Variants in RGS1 observed in about 807,000 individuals in gnomAD.
The protein encoded by RGS1 is regulator of G protein signaling 1.
RGS1 carries 11 observed loss-of-function variants against 22.2 expected under a neutral mutation model. That is an observed-to-expected ratio of 0.50 (90% CI 0.31 to 0.82). RGS1 has a LOEUF of 0.82. Ranked by LOEUF, RGS1 falls within the 40% of genes least tolerant of loss-of-function variation. The pLI, the probability that RGS1 is intolerant of heterozygous loss-of-function variation, is 0.04. For missense variants in RGS1, 255 were observed against 245.8 expected, an observed-to-expected ratio of 1.04 and a Z score of -0.25; for synonymous variants, 81 against 79.9, an observed-to-expected ratio of 1.01 and a Z score of -0.07.
Position 192,579,589 on chromosome 1 carries a change from A to C in RGS1, c.*267A>C. The C allele has an allele frequency of 3.0e-6, 1 of 338,324 alleles. No homozygotes were observed. The highest frequency in any genetic ancestry group is 5.8e-5 in the East Asian group (1 of 17,294). 21.0% of individuals were successfully genotyped at this position (338,324 alleles called of 1,614,324 possible). ...GGAGCTCTGTATTAGAAAGCCCCTC[A>C]GAACTGGGAAGGCCAGGTAACTCTA... On this transcript the variant is annotated 3_prime_UTR_variant, in exon 5 of 5. Transcript: ENST00000367459.
chr1:192,578,739 A>G (rs1397009014), intron 4 of RGS1: 1 of 404,004 alleles, frequency 2.5e-6, no homozygotes, highest in Non-Finnish European at 4.3e-6. Context: ...TTGCAGCAGC[A>G]AAAGTATTTC....
In RGS1 at chr1:192,578,235, C is replaced by T. The variant is rs958247563; in HGVS notation, c.294C>T (p.Val98=). The change falls in exon 4 of 5, where the codon GTC becomes GTT. Residue 98 remains valine (V), a synonymous_variant. Coordinates refer to ENST00000367459, the MANE Select transcript of RGS1 (RefSeq NM_002922.4). ...GTTTCTTTTTAGCTGGTCAAAATGTCTTTGGAAGTTTCCTAAAGTCTGAAT... is the reference window on the plus strand; with the variant it reads ...GTTTCTTTTTAGCTGGTCAAAATGTTTTTGGAAGTTTCCTAAAGTCTGAAT... ...KLLANQTGQN[V]FGSFLKSEFS... 3.8e-6 allele frequency: 6 copies of T among 1,594,228 alleles called. No homozygotes were observed. The highest frequency in any genetic ancestry group is 5.1e-6 in the Non-Finnish European group (6 of 1,169,556).
intron 3 of RGS1, chr1:192,577,986 C>T (rs1435770257): frequency 6.0e-6 from 3 of 496,100 alleles, no homozygotes; most frequent in Non-Finnish European, 7.0e-6. Context: ...CATCAAGTAG[C>T]AATGTGACTA....
rs780812724 is a variant in RGS1 at position 192,579,305 on chromosome 1, G to T, written c.613G>T (p.Ala205Ser). 5.6e-6 allele frequency: 9 copies of T among 1,612,664 alleles called. No homozygotes were observed. The Admixed American group carries it at 1.5e-4, about 27-fold the overall frequency. The change falls in exon 5 of 5, where the codon GCT (alanine) becomes TCT (serine). Residue 205 changes from alanine (A) to serine (S), a missense_variant. Physicochemically the swap from Ala to Ser is moderately conservative, Grantham distance 99. Transcript: ENST00000367459. ...IYLNLLNDLQANSLK is the reference protein window; with the variant it reads ...IYLNLLNDLQSNSLK The stretch of plus-strand genomic sequence containing the variant: ...CTTAAATCTTCTAAATGACCTGCAG[G>T]CTAATAGCCTAAAGTGACTGGTCCC...
intron 4 of RGS1, 146 bp downstream of exon 4, chr1:192,578,531 A>G (rs1448595841): frequency 1.2e-6 from 1 of 864,014 alleles, no homozygotes; most frequent in Non-Finnish European, 1.7e-6. Flanking sequence ...AGTTCAGTGC[A>G]ATGAGAATCT....
rs146022693 is a variant in RGS1, at chr1:192,579,178, G to A, written c.486G>A (p.Lys162=). ...GCACTCGAGAATCTACAGCCAAGAA[G>A]ATTAAAGCACCAACCCCCACGTGTT... The part of the protein sequence containing the change: ...DFRTRESTAK[K]IKAPTPTCFD... The change falls in exon 5 of 5, where the codon AAG becomes AAA. Residue 162 remains lysine (K), a synonymous_variant. Transcript: ENST00000367459. The A allele has an allele frequency of 1.9e-4, 307 of 1,613,006 alleles. No individual in the cohort carries two copies. Among genetic ancestry groups the A allele is most frequent in the Non-Finnish European group, 2.5e-4 (299 of 1,179,432 alleles).
Position 192,576,851 on chromosome 1 carries a change from G to T in RGS1, c.280+16G>T, listed in dbSNP as rs1662070174. On this transcript the variant is annotated intron_variant, in intron 3 of 4. Transcript: ENST00000367459. ...GCCAACCAAAGTAAGTATAACTATT[G>T]AATGTTTCTGGGTTCAGCTAAATAC... 6.2e-7 allele frequency: 1 copy of T among 1,605,292 alleles called. No individual in the cohort carries two copies. Among genetic ancestry groups the T allele is most frequent in the African/African-American group, 1.3e-5 (1 of 74,752 alleles).
At chr1:192,576,488 C>A in intron 2 of RGS1, 123 bp downstream of exon 2, 2 of 710,576 alleles carry the variant, frequency 2.8e-6, no homozygotes, top group Non-Finnish European at 4.7e-6. Flanking sequence ...AAGTAACATG[C>A]CAAATAAAAT....
intron 2 of RGS1, 118 bp from the exon 3 acceptor site, chr1:192,576,654 CAT>C (rs376339184): frequency 4.7e-6 from 4 of 843,112 alleles, no homozygotes; most frequent in African/African-American, 3.5e-5. Flanking sequence ...TAAATTTTAA[CAT>C]ATTTATTAGA....
chr1:192,579,609 A>G lies in RGS1; in HGVS notation c.*287A>G, dbSNP rs953335932. ...CCCTCAGAACTGGGAAGGCCAGGTA[A>G]CTCTAGTTACACAGAAACTGTGACT... On this transcript the variant is annotated 3_prime_UTR_variant, in exon 5 of 5. Coordinates refer to ENST00000367459, the MANE Select transcript of RGS1 (RefSeq NM_002922.4). 1.0e-5 allele frequency: 3 copies of G among 296,282 alleles called. No individual in the cohort carries two copies. Among genetic ancestry groups the G allele is most frequent in the African/African-American group, 4.4e-5 (2 of 45,398 alleles). 18.4% of individuals were successfully genotyped at this position (296,282 alleles called of 1,614,324 possible). A position where few individuals can be genotyped will look rare whatever the true frequency, so the allele number is the denominator to read the frequency against.
rs1662120933 is a variant in RGS1 at position 192,579,187 on chromosome 1, A to T, written c.495A>T (p.Ala165=). ...TRESTAKKIK[A]PTPTCFDEAQ... is the part of the protein sequence containing the mutation. ...AATCTACAGCCAAGAAGATTAAAGCACCAACCCCCACGTGTTTTGATGAAG... is the reference window on the plus strand; with the variant it reads ...AATCTACAGCCAAGAAGATTAAAGCTCCAACCCCCACGTGTTTTGATGAAG... The change falls in exon 5 of 5, where the codon GCA becomes GCT. Residue 165 remains alanine, a synonymous_variant. Coordinates refer to ENST00000367459, the MANE Select transcript of RGS1 (RefSeq NM_002922.4). 4 of 1,613,308 alleles carry T rather than the reference A, an allele frequency of 2.5e-6. No individual in the cohort carries two copies. In the South Asian group the frequency reaches 4.4e-5, roughly 18 times the overall value.
intron 3 of RGS1, chr1:192,577,464 T>C (rs1172030952): frequency 6.6e-6 from 1 of 152,140 alleles, no homozygotes; most frequent in African/African-American, 2.4e-5. Flanking sequence ...AGGTAAAGAA[T>C]GAAATCAGCT....
At chr1:192,576,949 TTGTC>T in intron 3 of RGS1, 114 bp downstream of exon 3, 1 of 854,430 alleles carries the variant, frequency 1.2e-6, no homozygotes, top group Non-Finnish European at 1.8e-6. Flanking sequence ...GTATTCTAGT[TTGTC>T]TGTAGTTACT....
intron 2 of RGS1, 150 bp from the exon 3 acceptor site, chr1:192,576,624 G>C (rs1662065454): frequency 2.7e-6 from 2 of 743,062 alleles, no homozygotes; most frequent in Non-Finnish European, 4.2e-6. Flanking sequence ...AACTCTAAGG[G>C]AAGTTTTGCA....
intron 4 of RGS1, 130 bp from the exon 5 acceptor site, chr1:192,579,007 T>C: frequency 1.2e-6 from 1 of 829,778 alleles, no homozygotes; most frequent in Non-Finnish European, 1.9e-6. Flanking sequence ...TACAAAGGCA[T>C]TTAAGAGATA....
intron 3 of RGS1, chr1:192,577,079 T>TA (rs1392471749): frequency 5.3e-6 from 2 of 377,708 alleles, no homozygotes; most frequent in Non-Finnish European, 9.4e-6. Flanking sequence ...ATTATGGAGA[T>TA]AAAATTAAAC....
chr1:192,577,152 T>C (rs918081401), intron 3 of RGS1: 6 of 247,764 alleles, frequency 2.4e-5, no homozygotes, highest in African/African-American at 1.3e-4. Flanking sequence ...AATATGTACA[T>C]TGCCATTTTG....
Position 192,578,388 on chromosome 1 carries a change from G to A in RGS1, c.444+3G>A, listed in dbSNP as rs1356596140. 6.2e-7 allele frequency: 1 copy of A among 1,612,034 alleles called. No homozygotes were observed. The highest frequency in any genetic ancestry group is 1.1e-5 in the South Asian group (1 of 91,040). On this transcript the variant is annotated splice_donor_region_variant and intron_variant, in intron 4 of 4. Transcript: ENST00000367459. ...TGCATTCAGATGCTGCTAAACAAGT[G>A]AGTATTAAGCTTATCATCATCAGTT... is the stretch of plus-strand genomic sequence containing the variant.
Position 192,579,364 on chromosome 1 carries a change from C to T in RGS1, c.*42C>T. On this transcript the variant is annotated 3_prime_UTR_variant, in exon 5 of 5. Coordinates refer to ENST00000367459, the MANE Select transcript of RGS1 (RefSeq NM_002922.4). ...GGGAATTAACAGATAGTATCAAGCG[C>T]AGAAGGAATGTGCCAGTATGGCTCC... The T allele has an allele frequency of 1.3e-6, 2 of 1,594,506 alleles. No individual in the cohort carries two copies. Among genetic ancestry groups the T allele is most frequent in the East Asian group, 2.2e-5 (1 of 44,550 alleles).
Sources: gnomAD v4.1 joint callset for allele counts on GRCh38, gnomAD v4.1.1 for gene constraint, MANE v1.5 for transcripts, NCBI Gene and HGNC (gene_info 2026-07-23, HGNC 2026-07-21) for gene names.